Variants in UST observed in about 807,000 individuals in gnomAD.
The protein encoded by UST is uronyl 2-sulfotransferase, also known as chondroitin sulfate 2-O-sulfotransferase.
A neutral mutation model predicts 45.6 loss-of-function variants in UST; 21 were observed. The observed-to-expected ratio is 0.46, with a 90% confidence interval of 0.33 to 0.66. The LOEUF is 0.66. Ranked by LOEUF, UST falls within the 30% of genes least tolerant of loss-of-function variation. UST has a pLI of 0.02. For missense variants in UST, 463 were observed against 512.4 expected (o/e 0.90, Z 0.93); for synonymous variants, 215 against 200.6 (o/e 1.07, Z -0.61).
At chr6:148,993,558 C>T (rs767952125) in intron 5 of UST, among the ~76,000 whole-genome samples, 1 of 152,108 alleles carries the variant, frequency 6.6e-6, no homozygotes, top group Non-Finnish European at 1.5e-5. Context: ...CAAGCTGATA[C>T]TGTTTGTATA....
chr6:148,867,819 C>T (rs1159374481), intron 1 of UST, among the ~76,000 whole-genome samples: 1 of 152,130 alleles, frequency 6.6e-6, no homozygotes, highest in Non-Finnish European at 1.5e-5. Flanking sequence ...GACTAATACA[C>T]ACTTGTTTGT....
intron 1 of UST, among the ~76,000 whole-genome samples, chr6:148,800,022 A>G (rs1351182385): frequency 1.3e-5 from 2 of 152,204 alleles, no homozygotes; most frequent in East Asian, 3.8e-4. Context: ...TGCAAACCCT[A>G]AGGTGAATAC....
chr6:148,880,811 C>T (rs147379768), intron 1 of UST, among the ~76,000 whole-genome samples: 4 of 152,170 alleles, frequency 2.6e-5, no homozygotes, highest in African/African-American at 7.2e-5. Context: ...GGGTGGATCA[C>T]GAGATCAGGA....
chr6:148,877,340 G>A (rs1778686920), intron 1 of UST, among the ~76,000 whole-genome samples: 1 of 94,370 alleles, frequency 1.1e-5, no homozygotes, highest in Non-Finnish European at 2.1e-5. Flanking sequence ...AAGTGTGGGG[G>A]GTCATGTATG....
At chr6:148,984,856 A>G (rs138422239) in intron 5 of UST, among the ~76,000 whole-genome samples, 71 of 152,372 alleles carry the variant, frequency 4.7e-4, no homozygotes, top group African/African-American at 1.7e-3. Context: ...TTTGGAGTAG[A>G]GCAAAATAAA....
chr6:148,919,559 A>G (rs1779662139), intron 2 of UST, among the ~76,000 whole-genome samples: 1 of 152,208 alleles, frequency 6.6e-6, no homozygotes, highest in African/African-American at 2.4e-5. Context: ...TTTTCTACAT[A>G]ATGAAATAAT....
chr6:148,827,725 TA>T (rs200443668), intron 1 of UST, among the ~76,000 whole-genome samples: 4,197 of 118,302 alleles, frequency 0.035, 141 homozygotes, highest in African/African-American at 0.098. Flanking sequence ...TTCTAGTTTG[TA>T]AAAAAAAAAA....
chr6:148,913,423 C>CTTTT (rs34110477), intron 2 of UST, among the ~76,000 whole-genome samples: 965 of 79,842 alleles, frequency 0.012, 88 homozygotes, highest in Middle Eastern at 0.027. Flanking sequence ...GACCAAAAAT[C>CTTTT]TTTTTTTTTT....
chr6:149,064,087 G>C (rs549930745), intron 7 of UST, among the ~76,000 whole-genome samples: 8 of 152,238 alleles, frequency 5.3e-5, no homozygotes, highest in African/African-American at 1.9e-4. Flanking sequence ...AGCCCAATAA[G>C]CCTGGTCTCC....
intron 5 of UST, among the ~76,000 whole-genome samples, chr6:148,974,497 T>C (rs1780978321): frequency 6.6e-6 from 1 of 152,190 alleles, no homozygotes; most frequent in African/African-American, 2.4e-5. Context: ...AGAAGTGGTT[T>C]GGCAGAAATT....
rs563765838 is a variant in UST, at chr6:148,963,571, A to G, written c.528-839A>G. On this transcript the variant is annotated intron_variant, in intron 4 of 7. Transcript: ENST00000367463. ...AATGGAACACCTGGCTATTTGCTTT[A>G]TTTTTATCTGAAGCCACTTGCCATC... is the stretch of plus-strand genomic sequence containing the variant. Among the ~76,000 whole-genome samples, 7 of 152,290 alleles carry G rather than the reference A, an allele frequency of 4.6e-5. No individual in the cohort carries two copies. The South Asian group carries it at 1.4e-3, about 32-fold the overall frequency.
At chr6:148,842,870 C>A (rs1407041923) in intron 1 of UST, among the ~76,000 whole-genome samples, 4 of 152,068 alleles carry the variant, frequency 2.6e-5, no homozygotes. Flanking sequence ...GGTTTACAAA[C>A]CACTCTGTCG....
chr6:148,859,255 T>C (rs1266816431), intron 1 of UST, among the ~76,000 whole-genome samples: 1 of 152,262 alleles, frequency 6.6e-6, no homozygotes, highest in Non-Finnish European at 1.5e-5. Flanking sequence ...ATGATGAGGA[T>C]ATTTTCATGT....
intron 1 of UST, among the ~76,000 whole-genome samples, chr6:148,809,444 T>A (rs1283322811): frequency 6.6e-6 from 1 of 152,150 alleles, no homozygotes; most frequent in Non-Finnish European, 1.5e-5. Flanking sequence ...TGAAAGTCAG[T>A]TCAGTTGGTT....
At chr6:148,868,486 G>A (rs559380763) in intron 1 of UST, among the ~76,000 whole-genome samples, 2 of 152,238 alleles carry the variant, frequency 1.3e-5, no homozygotes, top group East Asian at 1.9e-4. Context: ...TGAAAAGACC[G>A]TGAATATTTC....
At chr6:149,057,329 G>A (rs1373571804) in intron 7 of UST, among the ~76,000 whole-genome samples, 3 of 151,292 alleles carry the variant, frequency 2.0e-5, no homozygotes, top group Admixed American at 6.5e-5. Flanking sequence ...TCAGAGTCAG[G>A]AGATGCAGGA....
intron 7 of UST, among the ~76,000 whole-genome samples, chr6:149,037,270 G>A (rs1776251805): frequency 6.6e-6 from 1 of 152,172 alleles, no homozygotes; most frequent in African/African-American, 2.4e-5. Flanking sequence ...TTCCAGCCAT[G>A]TTATGTCCAA....
intron 1 of UST, among the ~76,000 whole-genome samples, chr6:148,782,495 G>C (rs1480367590): frequency 2.0e-5 from 3 of 151,864 alleles, no homozygotes; most frequent in Non-Finnish European, 1.5e-5. Context: ...CTGTCACCCA[G>C]GCTGGAGTGC....
At chr6:148,888,655 G>A (rs1778954934) in intron 2 of UST, among the ~76,000 whole-genome samples, 1 of 152,160 alleles carries the variant, frequency 6.6e-6, no homozygotes, top group African/African-American at 2.4e-5. Context: ...TAAATCAAGG[G>A]TGGCTGCTGT....
Sources: gnomAD v4.1 joint callset for allele counts (sites outside exome capture counted in the v4.1 genomes callset) on GRCh38, gnomAD v4.1.1 for gene constraint, MANE v1.5 for transcripts, NCBI Gene and HGNC (gene_info 2026-07-23, HGNC 2026-07-21) for gene names.